Variants in ARHGAP24 observed in about 807,000 individuals in gnomAD.
ARHGAP24 encodes the protein Rho GTPase activating protein 24.
In ARHGAP24, 50 loss-of-function variants were observed where a neutral mutation model predicts 76.4. The ratio of observed to expected loss-of-function variants is 0.65; its 90% CI spans 0.52 to 0.83. The LOEUF is 0.83. Ranked by LOEUF, ARHGAP24 falls within the 40% of genes least tolerant of loss-of-function variation. ARHGAP24 has a pLI of 0.00. For synonymous variants in ARHGAP24, 345 were observed against 323.3 expected (o/e 1.07, Z -0.72); for missense variants, 930 against 914.2 (o/e 1.02, Z -0.22).
chr4:85,907,635 T>C (rs964451837), intron 3 of ARHGAP24, among the ~76,000 whole-genome samples: 10 of 152,156 alleles, frequency 6.6e-5, no homozygotes, highest in Non-Finnish European at 1.3e-4. Flanking sequence ...CTAAGTATTG[T>C]ACTTACCTAG....
intron 6 of ARHGAP24, among the ~76,000 whole-genome samples, chr4:85,973,838 T>TTG (rs1246972533): frequency 2.5e-5 from 2 of 81,216 alleles, no homozygotes; most frequent in African/African-American, 1.0e-4. Flanking sequence ...CTATTGTTTT[T>TTG]TTTTTTTTTT....
At chr4:85,777,900 C>T (rs1727367202) in intron 3 of ARHGAP24, among the ~76,000 whole-genome samples, 1 of 152,092 alleles carries the variant, frequency 6.6e-6, no homozygotes, top group Admixed American at 6.5e-5. Flanking sequence ...ACATGAAAGA[C>T]ACCAATGAAA....
intron 2 of ARHGAP24, among the ~76,000 whole-genome samples, chr4:85,602,967 A>G (rs2109989438): frequency 6.6e-6 from 1 of 152,310 alleles, no homozygotes; most frequent in South Asian, 2.1e-4. Flanking sequence ...AATGTCTAAT[A>G]TGTTAGGGAT....
At chr4:85,556,213 A>G (rs1313264980) in intron 1 of ARHGAP24, among the ~76,000 whole-genome samples, 1 of 152,056 alleles carries the variant, frequency 6.6e-6, no homozygotes, top group Non-Finnish European at 1.5e-5. Flanking sequence ...TGCTAGAAGT[A>G]TGAGTAAAAC....
intron 2 of ARHGAP24, among the ~76,000 whole-genome samples, chr4:85,572,749 A>G (rs1727187554): frequency 2.5e-4 from 1 of 3,998 alleles, no homozygotes; most frequent in Non-Finnish European, 0.019. Context: ...TTTACAAACC[A>G]AACAGACCAT....
At chr4:85,735,080 G>A (rs921449219) in intron 3 of ARHGAP24, among the ~76,000 whole-genome samples, 1 of 151,816 alleles carries the variant, frequency 6.6e-6, no homozygotes, top group Non-Finnish European at 1.5e-5. Flanking sequence ...ACCTTTTCAG[G>A]AACCGTAATC....
At chr4:85,827,726 G>C (rs968570185) in intron 3 of ARHGAP24, 31 of 342,026 alleles carry the variant, frequency 9.1e-5, no homozygotes, top group Non-Finnish European at 1.7e-4. Context: ...ACCTTGTGGT[G>C]ACCTTGCAGG....
intron 4 of ARHGAP24, among the ~76,000 whole-genome samples, chr4:85,939,545 A>T (rs1168507594): frequency 3.3e-5 from 5 of 152,190 alleles, no homozygotes; most frequent in Non-Finnish European, 7.4e-5. Context: ...GGGACTCAGA[A>T]TATAATAAAT....
chr4:85,593,929 T>TCAGA lies in ARHGAP24; in HGVS notation c.180+23208_180+23209insCAGA, dbSNP rs1326806865. Among the ~76,000 whole-genome samples the TCAGA allele has an allele frequency of 1.7e-4, 26 of 152,220 alleles. No homozygotes were observed. In the East Asian group the frequency reaches 5.0e-3, roughly 29 times the overall value. ...TCTTTGTGCTCAGAATAGCTTTGGCTATTCCGGGTCTTTTGTGATTCTGTA... is the reference window on the plus strand; with the variant it reads ...TCTTTGTGCTCAGAATAGCTTTGGCTCAGAATTCCGGGTCTTTTGTGATTCTGTA... On this transcript the variant is annotated intron_variant, in intron 2 of 9. Coordinates refer to ENST00000395184, the MANE Select transcript of ARHGAP24 (RefSeq NM_001025616.3).
chr4:85,962,762 G>C (rs1738338357), intron 5 of ARHGAP24, among the ~76,000 whole-genome samples: 1 of 151,304 alleles, frequency 6.6e-6, no homozygotes, highest in African/African-American at 2.4e-5. Context: ...TCTAGATCTA[G>C]AATGCCCATG....
chr4:85,584,521 G>A (rs1303715858), intron 2 of ARHGAP24, among the ~76,000 whole-genome samples: 5 of 151,668 alleles, frequency 3.3e-5, no homozygotes, highest in African/African-American at 4.8e-5. Flanking sequence ...CAGCACACCA[G>A]CATGACACAT....
intron 3 of ARHGAP24, among the ~76,000 whole-genome samples, chr4:85,759,741 T>G (rs1272209506): frequency 1.3e-5 from 2 of 151,924 alleles, no homozygotes; most frequent in Non-Finnish European, 2.9e-5. Context: ...GAAAGAAGGG[T>G]GGTACATGAA....
chr4:85,628,483 A>T (rs997387007), intron 2 of ARHGAP24, among the ~76,000 whole-genome samples: 3 of 152,144 alleles, frequency 2.0e-5, no homozygotes, highest in Admixed American at 1.3e-4. Context: ...CTACTGTTGG[A>T]TGGGATATTC....
At chr4:85,593,134 G>A (rs1469607013) in intron 2 of ARHGAP24, among the ~76,000 whole-genome samples, 1 of 151,924 alleles carries the variant, frequency 6.6e-6, no homozygotes, top group Non-Finnish European at 1.5e-5. Flanking sequence ...CCTGTCTTTT[G>A]GATAAAAGCC....
intron 3 of ARHGAP24, among the ~76,000 whole-genome samples, chr4:85,862,709 G>A (rs370224619): frequency 3.3e-5 from 5 of 152,028 alleles, no homozygotes; most frequent in Admixed American, 2.0e-4. Context: ...ATGTGCACTC[G>A]CACTACCAGT....
At chr4:85,492,887 T>C (rs576756402) in intron 1 of ARHGAP24, among the ~76,000 whole-genome samples, 2 of 152,320 alleles carry the variant, frequency 1.3e-5, no homozygotes, top group East Asian at 1.9e-4. Flanking sequence ...CAATGTCCTT[T>C]TTCTAGAGTA....
At chr4:85,959,619 C>T (rs192731797) in intron 5 of ARHGAP24, among the ~76,000 whole-genome samples, 9 of 152,190 alleles carry the variant, frequency 5.9e-5, no homozygotes, top group East Asian at 3.9e-4. Context: ...TAGACATTGA[C>T]GTTGTTTCTA....
rs549228563 is a variant in ARHGAP24 at position 85,818,630 on chromosome 4, C to T, written c.268+96658C>T. Among the ~76,000 whole-genome samples the T allele has an allele frequency of 2.9e-4, 44 of 152,286 alleles. 1 individual carries two copies. In the South Asian group the frequency reaches 4.6e-3, roughly 16 times the overall value. On this transcript the variant is annotated intron_variant, in intron 3 of 9. Coordinates refer to ENST00000395184, the MANE Select transcript of ARHGAP24 (RefSeq NM_001025616.3). ...GGCCTCAGTTAGGTGTCACCTGGTC[C>T]TTTTAAATGCGTCCCTCTGCTCCTG...
intron 2 of ARHGAP24, among the ~76,000 whole-genome samples, chr4:85,653,478 A>AATTT (rs60327546): frequency 0.36 from 54,672 of 151,176 alleles, 10,958 homozygotes; most frequent in East Asian, 0.84. Context: ...TTATTTAATT[A>AATTT]ATTTATTTAT....
Sources: allele counts gnomAD v4.1 joint callset (sites outside exome capture counted in the v4.1 genomes callset), GRCh38; gene constraint gnomAD v4.1.1; transcripts MANE v1.5; gene names NCBI Gene and HGNC (gene_info 2026-07-23, HGNC 2026-07-21).